The following CD99L2 variants were observed in gnomAD, a reference collection of about 807,000 sequenced individuals.
CD99L2 encodes the protein CD99 antigen-like protein 2.
A neutral mutation model predicts 27.3 loss-of-function variants in CD99L2; 24 were observed. That is an observed-to-expected ratio of 0.88 (90% CI 0.64 to 1.24). The LOEUF is 1.24. CD99L2 is among the 50% of genes most tolerant of loss of function. CD99L2 has a pLI of 0.00. For synonymous variants in CD99L2, 97 were observed against 87.9 expected (o/e 1.10, Z -0.58); for missense variants, 255 against 221.6 (o/e 1.15, Z -0.96).
At chrX:150,769,175 C>A in intron 10 of CD99L2, 74 bp from the exon 11 acceptor site, 1 of 1,076,749 alleles carries the variant, frequency 9.3e-7, no homozygotes, top group South Asian at 2.2e-5. Flanking sequence ...GCAGCAAGCC[C>A]GTGCTGGGAA....
At chrX:150,851,455 G>C (rs1366275086) in intron 1 of CD99L2, among the ~76,000 whole-genome samples, 1 of 111,962 alleles carries the variant, frequency 8.9e-6, no homozygotes, top group Non-Finnish European at 1.9e-5. Context: ...AGCAGCACGG[G>C]GTCATGCAGC....
At chrX:150,837,222 T>G (rs1291130014) in intron 1 of CD99L2, among the ~76,000 whole-genome samples, 1 of 111,005 alleles carries the variant, frequency 9.0e-6, no homozygotes, top group East Asian at 2.8e-4. Context: ...TGAAGCATCT[T>G]GAGGTGCCAG....
At chrX:150,883,713 A>T (rs1159418080) in intron 1 of CD99L2, among the ~76,000 whole-genome samples, 1 of 111,924 alleles carries the variant, frequency 8.9e-6, no homozygotes, top group African/African-American at 3.2e-5. Context: ...CAAAAAAATA[A>T]ATAAATAAGT....
intron 4 of CD99L2, among the ~76,000 whole-genome samples, chrX:150,805,976 T>C (rs2045987309): frequency 9.0e-6 from 1 of 111,485 alleles, no homozygotes; most frequent in Non-Finnish European, 1.9e-5. Flanking sequence ...TAGACTGTCA[T>C]GGTAGATACA....
chrX:150,830,901 C>T (rs1026429241), intron 2 of CD99L2, among the ~76,000 whole-genome samples: 3 of 110,515 alleles, frequency 2.7e-5, no homozygotes, highest in Non-Finnish European at 3.8e-5. Flanking sequence ...CTCCACCCCC[C>T]GGGTTCAAGC....
intron 2 of CD99L2, chrX:150,818,823 T>C (rs2046203768): frequency 2.8e-6 from 1 of 362,611 alleles, no homozygotes; most frequent in African/African-American, 2.6e-5. Flanking sequence ...TCCTTCAAAC[T>C]GTTTGCAGAC....
intron 1 of CD99L2, among the ~76,000 whole-genome samples, chrX:150,873,216 T>C (rs1358878910): frequency 8.9e-6 from 1 of 112,177 alleles, no homozygotes; most frequent in Non-Finnish European, 1.9e-5. Flanking sequence ...TAGTGGAATA[T>C]AATCCAGCCA....
At chrX:150,810,251 G>A (rs112401969) in intron 4 of CD99L2, among the ~76,000 whole-genome samples, 6,111 of 111,784 alleles carry the variant, frequency 0.055, 181 homozygotes, top group African/African-American at 0.11. Flanking sequence ...TAAAAGCAAA[G>A]AAAGTGTGCT....
intron 1 of CD99L2, among the ~76,000 whole-genome samples, chrX:150,832,926 G>A (rs1238645255): frequency 2.7e-5 from 3 of 110,180 alleles, no homozygotes; most frequent in Non-Finnish European, 5.7e-5. Context: ...ATGGTGGCGG[G>A]TGCCTGTAGT....
intron 7 of CD99L2, 119 bp downstream of exon 7, chrX:150,793,572 G>A (rs2045732078): frequency 1.8e-6 from 1 of 552,021 alleles, no homozygotes; most frequent in African/African-American, 2.4e-5. Context: ...ACCCCAACTG[G>A]CAGGCTGGGA....
intron 4 of CD99L2, among the ~76,000 whole-genome samples, chrX:150,799,197 A>T (rs1743967162): frequency 9.0e-6 from 1 of 111,642 alleles, no homozygotes; most frequent in Admixed American, 9.5e-5. Context: ...GTCAACAACA[A>T]CAAAAACCCT....
At chrX:150,819,504 G>C (rs1404273078) in intron 2 of CD99L2, among the ~76,000 whole-genome samples, 8 of 110,875 alleles carry the variant, frequency 7.2e-5, no homozygotes, top group Non-Finnish European at 1.5e-4. Flanking sequence ...AGCAGGCAGA[G>C]GAAGAAAACA....
chrX:150,875,265 C>T (rs1271455348), intron 1 of CD99L2, among the ~76,000 whole-genome samples: 1 of 112,266 alleles, frequency 8.9e-6, no homozygotes, highest in Non-Finnish European at 1.9e-5. Flanking sequence ...GTTTACTTTA[C>T]ACAAATATCA....
intron 10 of CD99L2, among the ~76,000 whole-genome samples, chrX:150,769,684 ACCAGGC>A (rs1569565828): frequency 1.1e-5 from 1 of 91,492 alleles, no homozygotes; most frequent in African/African-American, 5.5e-5. Flanking sequence ...TGCCTGCGCC[ACCAGGC>A]CTCGGCTGCT....
Position 150,819,024 on chromosome X carries a change from G to T in CD99L2, c.131-2946C>A, listed in dbSNP as rs2046207287. On this transcript the variant is annotated intron_variant, in intron 2 of 10. Transcript: ENST00000370377. ...TTGATGATGAGAACTTCAACCTGAA[G>T]CATACAAGTCCTGGCATCTTGCCCA... 6 of 313,114 alleles carry T rather than the reference G, an allele frequency of 1.9e-5. No homozygotes were observed. In the South Asian group the frequency reaches 1.9e-4, roughly 10 times the overall value. 25.8% of individuals were successfully genotyped at this position (313,114 alleles called of 1,213,427 possible).
At chrX:150,894,481 TC>T (rs1229524926) in intron 1 of CD99L2, among the ~76,000 whole-genome samples, 2 of 111,842 alleles carry the variant, frequency 1.8e-5, no homozygotes, top group African/African-American at 6.5e-5. Flanking sequence ...AAGCCTACAC[TC>T]CATGTGTAAG....
At chrX:150,885,844 CT>C (rs35970723) in intron 1 of CD99L2, among the ~76,000 whole-genome samples, 1 of 112,077 alleles carries the variant, frequency 8.9e-6, no homozygotes, top group Non-Finnish European at 1.9e-5. Context: ...GCTGTTTATT[CT>C]TTTTCACTGG....
rs1177139289 is a variant in CD99L2, at chrX:150,795,151, T to TG, written c.430+54dup. ...AGCTCTGCCAGGCCCAAGCTGGCTC[T>TG]GGCTCTGTGGGATGATGTAATTAAT... On this transcript the variant is annotated intron_variant, in intron 6 of 10. Transcript: ENST00000370377. 17 of 1,178,208 alleles carry TG rather than the reference T, an allele frequency of 1.4e-5. No homozygotes were observed. The East Asian group carries it at 5.1e-4, about 35-fold the overall frequency.
rs180871165 is a variant in CD99L2 at position 150,770,756 on chromosome X, G to A, written c.656-387C>T. On this transcript the variant is annotated intron_variant, in intron 9 of 10. Transcript: ENST00000370377. ...CGGCCCGGGGGCCAGGGAGCCAATCGCTATGAGTGATTGATGGATGCAGGG... is the reference window on the plus strand; with the variant it reads ...CGGCCCGGGGGCCAGGGAGCCAATCACTATGAGTGATTGATGGATGCAGGG... Among the ~76,000 whole-genome samples the A allele has an allele frequency of 7.2e-4, 81 of 112,778 alleles. 1 individual carries two copies. Among genetic ancestry groups the A allele is most frequent in the African/African-American group, 1.4e-3 (42 of 31,105 alleles).
Sources: allele counts gnomAD v4.1 joint callset (sites outside exome capture counted in the v4.1 genomes callset), GRCh38; gene constraint gnomAD v4.1.1; transcripts MANE v1.5; gene names NCBI Gene and HGNC (gene_info 2026-07-23, HGNC 2026-07-21).